The following ZBTB45 variants were observed in gnomAD, a reference collection of about 807,000 sequenced individuals.
The protein encoded by ZBTB45 is zinc finger and BTB domain-containing protein 45.
ZBTB45 carries 22 observed loss-of-function variants against 28.4 expected under a neutral mutation model. The ratio of observed to expected loss-of-function variants is 0.77; its 90% CI spans 0.55 to 1.10. The LOEUF is 1.10. ZBTB45 is among the 50% of genes least tolerant of loss of function. ZBTB45 has a pLI of 0.00. For synonymous variants in ZBTB45, 361 were observed against 332.3 expected (o/e 1.09, Z -0.94); for missense variants, 656 against 750.2 (o/e 0.87, Z 1.47).
upstream of ZBTB45, among the ~76,000 whole-genome samples, chr19:58,524,407 GTGTGTGTGTGTGTGTGTGTGTTCATATA>G (rs2053595465): frequency 2.1e-5 from 2 of 94,720 alleles, no homozygotes; most frequent in Admixed American, 1.3e-4. Flanking sequence ...GTATATATAT[GTGTGTGTGTGTGTGTGTGTGTTCATATA>G]TGTGTGTGTG....
At chr19:58,529,804 C>A (rs542491825) in intron 1 of ZBTB45, among the ~76,000 whole-genome samples, 3 of 152,232 alleles carry the variant, frequency 2.0e-5, no homozygotes, top group African/African-American at 7.2e-5. Context: ...TGGAACCATA[C>A]AATATGTGAG....
At chr19:58,528,633 G>A (rs572572095) in intron 1 of ZBTB45, among the ~76,000 whole-genome samples, 1 of 152,098 alleles carries the variant, frequency 6.6e-6, no homozygotes. Context: ...AGTGGCTCAC[G>A]CCTGTAATCC....
chr19:58,513,969 C>T lies in ZBTB45; in HGVS notation c.*85G>A, dbSNP rs1238667434. The T allele has an allele frequency of 1.5e-6, 2 of 1,339,750 alleles. No homozygotes were observed. Among genetic ancestry groups the T allele is most frequent in the African/African-American group, 1.6e-5 (1 of 64,466 alleles). The allele number at this position is 1,339,750 out of a possible 1,614,324, so 83.0% of individuals were successfully genotyped here. Reference sequence around the variant, plus strand: ...CTCAGGAGGGAGCGTGGTCTAGTGGCGGGAACCACGGGTCCCGCAGCGGGC... The same window carrying T: ...CTCAGGAGGGAGCGTGGTCTAGTGGTGGGAACCACGGGTCCCGCAGCGGGC... On this transcript the variant is annotated 3_prime_UTR_variant, in exon 3 of 3. Coordinates refer to ENST00000594051, the MANE Select transcript of ZBTB45 (RefSeq NM_001316979.2).
At chr19:58,533,555 GT>G (rs113842843) in intron 1 of ZBTB45, among the ~76,000 whole-genome samples, 1,936 of 146,532 alleles carry the variant, frequency 0.013, 33 homozygotes, top group African/African-American at 0.038. Context: ...ACAGAATAAA[GT>G]TTTTTTTTTT....
At chr19:58,519,614 T>TAC (rs2053560661) in intron 1 of ZBTB45, 128 bp downstream of exon 1, 1 of 153,226 alleles carries the variant, frequency 6.5e-6, no homozygotes, top group East Asian at 1.9e-4. Flanking sequence ...GCCCCCGCCG[T>TAC]ACCCCGGTCC....
intron 1 of ZBTB45, among the ~76,000 whole-genome samples, chr19:58,532,377 G>C (rs1361037050): frequency 1.3e-5 from 2 of 152,122 alleles, no homozygotes; most frequent in African/African-American, 4.8e-5. Context: ...GTAAGAGAGA[G>C]GCAGAGGAGA....
rs549377095 is a variant in ZBTB45 at position 58,535,169 on chromosome 19, C to G, written c.-1+3532G>C. Reference sequence around the variant, plus strand: ...TACAGGTGTGAGCCACCGTGCCCAGCCTTAATTTTTGTATTTTTAGTACAG... The same window carrying G: ...TACAGGTGTGAGCCACCGTGCCCAGGCTTAATTTTTGTATTTTTAGTACAG... On this transcript the variant is annotated intron_variant, in intron 1 of 1. Transcript: ENST00000600130. Among the ~76,000 whole-genome samples the G allele has an allele frequency of 5.3e-5, 8 of 151,526 alleles. No homozygotes were observed. In the South Asian group the frequency reaches 6.3e-4, roughly 12 times the overall value.
chr19:58,520,953 G>A (rs1300415918), upstream of ZBTB45, among the ~76,000 whole-genome samples: 3 of 147,728 alleles, frequency 2.0e-5, no homozygotes, highest in African/African-American at 7.5e-5. Context: ...TCGGGAGACT[G>A]AGGCAGGAGA....
At chr19:58,537,801 G>A (rs995218626) in intron 1 of ZBTB45, among the ~76,000 whole-genome samples, 1 of 151,960 alleles carries the variant, frequency 6.6e-6, no homozygotes, top group Non-Finnish European at 1.5e-5. Flanking sequence ...TTGGGGACCA[G>A]TGCAGGATAG....
chr19:58,517,103 C>G lies in ZBTB45; in HGVS notation c.571G>C (p.Glu191Gln). Reference sequence around the variant, plus strand: ...AGTGAGGGGTCAGCATCAGGCCCCTCAGCCTTGGCAGGTGTTGGGGGCGCT... The same window carrying G: ...AGTGAGGGGTCAGCATCAGGCCCCTGAGCCTTGGCAGGTGTTGGGGGCGCT... The part of the protein sequence containing the change: ...LPAPPTPAKA[E>Q]GPDADPSLSA... The change falls in exon 2 of 3, where the codon GAG becomes CAG. Residue 191 changes from glutamate to glutamine, a missense_variant. By Grantham distance (29) the Glu-to-Gln change is conservative. Transcript: ENST00000594051. 1 of 1,613,062 alleles carries G rather than the reference C, an allele frequency of 6.2e-7. No individual in the cohort carries two copies. Among genetic ancestry groups the G allele is most frequent in the Non-Finnish European group, 8.5e-7 (1 of 1,179,918 alleles).
At chr19:58,519,060 C>G (rs2053552205) in intron 1 of ZBTB45, 1 of 152,562 alleles carries the variant, frequency 6.6e-6, no homozygotes, top group Admixed American at 6.5e-5. Flanking sequence ...GATGAAGAAA[C>G]CTGGCTGGTG....
At chr19:58,537,466 G>A (rs903897537) in intron 1 of ZBTB45, among the ~76,000 whole-genome samples, 4 of 152,130 alleles carry the variant, frequency 2.6e-5, no homozygotes, top group African/African-American at 7.2e-5. Context: ...GCCAGGGCCT[G>A]GGGAGGGCCT....
chr19:58,536,694 C>A (rs905290172), intron 1 of ZBTB45, among the ~76,000 whole-genome samples: 1 of 152,072 alleles, frequency 6.6e-6, no homozygotes, highest in Non-Finnish European at 1.5e-5. Flanking sequence ...AGCCACAATG[C>A]CTCCTCAGAA....
rs1316745961 is a variant in ZBTB45 at position 58,515,105 on chromosome 19, G to A, written c.1280-795C>T. 3.3e-5 allele frequency among the ~76,000 whole-genome samples: 5 copies of A among 151,994 alleles called. No individual in the cohort carries two copies. The highest frequency in any genetic ancestry group is 2.1e-4 in the South Asian group (1 of 4,828). On this transcript the variant is annotated intron_variant, in intron 2 of 2. Coordinates refer to ENST00000594051, the MANE Select transcript of ZBTB45 (RefSeq NM_001316979.2). This position sits in a 1 kb window ranked among gnomAD's most constrained non-coding sequence, Gnocchi z 4.7. Reference sequence around the variant, plus strand: ...TTTGGGAGGCCAAGGCAGGCAGATCGCTTGAGGCCAGGAGTTCGAGACCAA... The same window carrying A: ...TTTGGGAGGCCAAGGCAGGCAGATCACTTGAGGCCAGGAGTTCGAGACCAA...
At position 58,516,935 on chromosome 19, in the gene ZBTB45, CAGT is replaced by C. The variant is rs1568642326; in HGVS notation, c.736_738del (p.Thr246del). ...TCCTCGCACGCGCTGTCAGCAGCAG[CAGT>C]GAGGAAGCCAGCAGCACAGTCTGGG... On this transcript the variant is annotated inframe_deletion, in exon 2 of 3. Transcript: ENST00000594051. The surrounding 1 kb of genome is among the most constrained non-coding windows in gnomAD (Gnocchi z 6.2). The C allele has an allele frequency of 6.2e-6, 10 of 1,613,320 alleles. No individual in the cohort carries two copies. The highest frequency in any genetic ancestry group is 8.5e-6 in the Non-Finnish European group (10 of 1,180,022).
chr19:58,531,623 T>TG (rs1157878598), intron 1 of ZBTB45, among the ~76,000 whole-genome samples: 1 of 152,200 alleles, frequency 6.6e-6, no homozygotes, highest in East Asian at 1.9e-4. Context: ...CGGTTCCCCT[T>TG]GGGAAGGCAG....
chr19:58,522,504 G>A (rs1394479717), upstream of ZBTB45, among the ~76,000 whole-genome samples: 6 of 151,904 alleles, frequency 3.9e-5, no homozygotes, highest in African/African-American at 9.7e-5. Flanking sequence ...GCGTGGTGGC[G>A]GGTGCCCATA....
chr19:58,519,902 C>G (rs1055390222), upstream of ZBTB45: 2 of 152,270 alleles, frequency 1.3e-5, no homozygotes, highest in Non-Finnish European at 2.9e-5. Flanking sequence ...ATTTTTATGG[C>G]GATCAGCTCC....
upstream of ZBTB45, among the ~76,000 whole-genome samples, chr19:58,523,341 T>C (rs910940210): frequency 6.6e-6 from 1 of 151,768 alleles, no homozygotes; most frequent in Non-Finnish European, 1.5e-5. Flanking sequence ...AGGTCAGGAG[T>C]TCGAGACCAC....
Sources: allele counts gnomAD v4.1 joint callset (sites outside exome capture counted in the v4.1 genomes callset), GRCh38; gene constraint gnomAD v4.1.1; non-coding constraint Gnocchi (gnomAD v3.1); transcripts MANE v1.5; gene names NCBI Gene and HGNC (gene_info 2026-07-23, HGNC 2026-07-21).